ELSPBP1: variants seen among roughly 807,000 people sequenced by gnomAD.
ELSPBP1 encodes the protein epididymal sperm binding protein 1.
Under a neutral mutation model 33.3 loss-of-function variants are expected in ELSPBP1, and 38 were observed. That is an observed-to-expected ratio of 1.14 (90% confidence interval 0.88 to 1.50). The LOEUF (loss-of-function observed/expected upper bound fraction) is 1.50, where lower values mean the gene tolerates loss of function less well. ELSPBP1 is among the 40% of genes most tolerant of loss of function. The probability of loss-of-function intolerance (pLI) is 0.00; values close to 1 mark genes in which losing one functional copy is unlikely to be tolerated. For missense variants in ELSPBP1, 267 were observed against 263.5 expected (o/e 1.01, Z -0.09); for synonymous variants, 85 against 94.1 (o/e 0.90, Z 0.56).
In ELSPBP1 at chr19:48,016,003, G is replaced by A. The variant is rs754566239; in HGVS notation, c.319G>A (p.Asp107Asn). The A allele has an allele frequency of 1.2e-5, 19 of 1,613,896 alleles. No individual in the cohort carries two copies. In the East Asian group the frequency reaches 2.0e-4, roughly 17 times the overall value. ...GTGGTGCTCAGTCACCTCTGTCTTC[G>A]ATGAGAAACAGCAGTGGAAATTCTG... Reference protein sequence around the residue: ...SLWCSVTSVFDEKQQWKFCET... With the variant: ...SLWCSVTSVFNEKQQWKFCET... The change falls in exon 4 of 7, where the codon GAT becomes AAT. Residue 107 changes from aspartate (D) to asparagine (N), a missense_variant. Transcript: ENST00000339841.
intron 5 of ELSPBP1, among the ~76,000 whole-genome samples, chr19:48,020,121 T>C (rs1025806910): frequency 6.6e-6 from 1 of 152,126 alleles, no homozygotes; most frequent in Non-Finnish European, 1.5e-5. Flanking sequence ...CTAACCATGA[T>C]GCAAATACAG....
At chr19:48,022,129 C>G (rs762626294) in intron 5 of ELSPBP1, 41 bp from the exon 6 acceptor site, 2 of 1,581,642 alleles carry the variant, frequency 1.3e-6, no homozygotes, top group Non-Finnish European at 1.7e-6. Flanking sequence ...CAGTGTGAAG[C>G]CTGAGGAGTA....
At chr19:48,018,649 C>T (rs10415274) in intron 4 of ELSPBP1, among the ~76,000 whole-genome samples, 26,276 of 152,158 alleles carry the variant, frequency 0.17, 2,370 homozygotes, top group African/African-American at 0.23. Context: ...CATGGACAAA[C>T]TGAGGTTAAT....
intron 1 of ELSPBP1, among the ~76,000 whole-genome samples, chr19:47,996,931 T>C (rs1966917508): frequency 6.6e-6 from 1 of 152,250 alleles, no homozygotes; most frequent in Non-Finnish European, 1.5e-5. Context: ...ACATTTATTG[T>C]GAGTTATCTC....
At chr19:48,018,849 G>A (rs1967168447) in intron 4 of ELSPBP1, among the ~76,000 whole-genome samples, 1 of 152,056 alleles carries the variant, frequency 6.6e-6, no homozygotes, top group Non-Finnish European at 1.5e-5. Flanking sequence ...TCACTTCCTT[G>A]ACAGCATCTT....
intron 2 of ELSPBP1, 76 bp downstream of exon 2, chr19:48,008,813 A>C: frequency 7.5e-7 from 1 of 1,340,556 alleles, no homozygotes; most frequent in Non-Finnish European, 1.1e-6. Flanking sequence ...GATTCCTGGA[A>C]CTAAGTAGGC....
At chr19:48,007,677 T>C (rs1001301586) in intron 1 of ELSPBP1, among the ~76,000 whole-genome samples, 2 of 152,158 alleles carry the variant, frequency 1.3e-5, no homozygotes, top group African/African-American at 4.8e-5. Context: ...TGAAGGACTT[T>C]CGTCTCCAGC....
chr19:48,007,295 G>A (rs1967031335), intron 1 of ELSPBP1, among the ~76,000 whole-genome samples: 1 of 152,128 alleles, frequency 6.6e-6, no homozygotes, highest in Non-Finnish European at 1.5e-5. Flanking sequence ...GTATAGACAG[G>A]CCCGCACTGA....
intron 2 of ELSPBP1, among the ~76,000 whole-genome samples, chr19:48,013,444 T>C (rs2122317266): frequency 6.6e-6 from 1 of 152,284 alleles, no homozygotes; most frequent in Admixed American, 6.5e-5. Flanking sequence ...AGGCCAGGCA[T>C]GGTGGCTTAC....
intron 1 of ELSPBP1, among the ~76,000 whole-genome samples, chr19:47,999,387 C>CTTTTCTT (rs1966944526): frequency 7.7e-6 from 1 of 129,976 alleles, no homozygotes; most frequent in African/African-American, 2.9e-5. Context: ...AGCCTCATTT[C>CTTTTCTT]TTTTTTTTTT....
In ELSPBP1 at chr19:48,023,242, G is replaced by GGAAA. The variant is rs561306278; in HGVS notation, c.*7+914_*7+917dup. Among the ~76,000 whole-genome samples the GGAAA allele has an allele frequency of 6.6e-3, 845 of 128,234 alleles. 16 individuals are homozygous for GGAAA. The highest frequency in any genetic ancestry group is 0.023 in the African/African-American group (766 of 33,470). 84.1% of individuals were successfully genotyped at this position (128,234 alleles called of 152,430 possible). A position where few individuals can be genotyped will look rare whatever the true frequency, so the allele number is the denominator to read the frequency against. ...GAAGGAGGGAGGGAAGGAAGAAAGAGGAAAGAAAGGAGGTAGAGAGAGGGA... is the reference window on the plus strand; with the variant it reads ...GAAGGAGGGAGGGAAGGAAGAAAGAGGAAAGAAAGAAAGGAGGTAGAGAGAGGGA... On this transcript the variant is annotated intron_variant, in intron 6 of 6. Transcript: ENST00000339841.
At chr19:47,998,921 A>G (rs544244272) in intron 1 of ELSPBP1, among the ~76,000 whole-genome samples, 1 of 152,124 alleles carries the variant, frequency 6.6e-6, no homozygotes, top group African/African-American at 2.4e-5. Context: ...AGCCTAAAGG[A>G]GGCACTGCGC....
Position 47,999,088 on chromosome 19 carries a change from G to A in ELSPBP1, c.-18+4277G>A, listed in dbSNP as rs560253931. The stretch of plus-strand genomic sequence containing the variant: ...CTTGTTCCTCACACTGTGTGTGGCT[G>A]ACTCTAGGTTTTGGTTCAAACATCA... On this transcript the variant is annotated intron_variant, in intron 1 of 6. Transcript: ENST00000339841. 7.2e-5 allele frequency among the ~76,000 whole-genome samples: 11 copies of A among 152,286 alleles called. No homozygotes were observed. In the South Asian group the frequency reaches 2.3e-3, roughly 32 times the overall value.
chr19:48,025,035 TTAAA>T lies in ELSPBP1; in HGVS notation c.*95_*98del, dbSNP rs1168443386. 4 of 152,218 alleles carry T rather than the reference TTAAA, an allele frequency of 2.6e-5. No individual in the cohort carries two copies. The East Asian group carries it at 7.7e-4, about 29-fold the overall frequency. 9.4% of individuals were successfully genotyped at this position (152,218 alleles called of 1,614,324 possible). ...GTCTTTTTCATTGCATCTGTCAAGC[TTAAA>T]TAACCACCTTTAGAAATACCCTCTG... On this transcript the variant is annotated 3_prime_UTR_variant, in exon 7 of 7. Coordinates refer to ENST00000339841, the MANE Select transcript of ELSPBP1 (RefSeq NM_022142.5).
chr19:48,012,114 T>TTTTTGTTTTGTTCTG (rs1488348944), intron 2 of ELSPBP1, among the ~76,000 whole-genome samples: 4 of 152,150 alleles, frequency 2.6e-5, no homozygotes, highest in African/African-American at 9.7e-5. Flanking sequence ...CCGTTTTTGT[T>TTTTTGTTTTGTTCTG]TTTTGTTTTG....
intron 6 of ELSPBP1, among the ~76,000 whole-genome samples, chr19:48,023,538 A>AG: frequency 1.4e-5 from 1 of 71,464 alleles, no homozygotes; most frequent in Non-Finnish European, 3.5e-5. Context: ...GGAGGAAGGA[A>AG]AGAAGGAAGA....
chr19:48,020,555 T>A (rs916740224), intron 5 of ELSPBP1, among the ~76,000 whole-genome samples: 1 of 152,120 alleles, frequency 6.6e-6, no homozygotes, highest in African/African-American at 2.4e-5. Context: ...GTCGATTTCA[T>A]CAGTGACAAA....
intron 2 of ELSPBP1, among the ~76,000 whole-genome samples, chr19:48,013,560 T>C (rs1370524402): frequency 6.6e-6 from 1 of 151,946 alleles, no homozygotes; most frequent in Non-Finnish European, 1.5e-5. Flanking sequence ...CTACTAAAAA[T>C]ACAAAAATTT....
chr19:48,014,289 G>A lies in ELSPBP1; in HGVS notation c.189G>A (p.Trp63Ter). ...CATRAVYNGQWKYCQSEDYPR... is the reference protein window; with the variant it reads ...CATRAVYNGQ ...CCAGAGCCGTGTACAACGGCCAGTG[G>A]AAGTACTGCCAGAGTGAAGGTGAGT... The change falls in exon 3 of 7, where the codon TGG becomes TGA. Residue 63 changes from tryptophan to a stop codon, truncating the protein, a stop_gained. Transcript: ENST00000339841. LOFTEE classifies it high-confidence loss of function. The A allele has an allele frequency of 6.2e-7, 1 of 1,613,772 alleles. No individual in the cohort carries two copies. The highest frequency in any genetic ancestry group is 1.7e-5 in the Admixed American group (1 of 60,006).
Sources: allele counts gnomAD v4.1 joint callset (sites outside exome capture counted in the v4.1 genomes callset), GRCh38; gene constraint gnomAD v4.1.1; transcripts MANE v1.5; gene names NCBI Gene and HGNC (gene_info 2026-07-23, HGNC 2026-07-21).